CLTRN: variants seen among roughly 807,000 people sequenced by gnomAD.
CLTRN encodes the protein collectrin, amino acid transport regulator, also known as collectrin.
In CLTRN, 12 loss-of-function variants were observed where a neutral mutation model predicts 14.5. The observed-to-expected ratio is 0.83, with a 90% CI of 0.53 to 1.34. CLTRN has a LOEUF of 1.34. CLTRN is among the 40% of genes most tolerant of loss of function. The pLI is 0.00. For synonymous variants in CLTRN, 58 were observed against 56.5 expected, an observed-to-expected ratio of 1.03 and a Z score of -0.12; for missense variants, 154 against 165.1, an observed-to-expected ratio of 0.93 and a Z score of 0.37.
chrX:15,641,536 G>A (rs142076088), intron 4 of CLTRN, among the ~76,000 whole-genome samples: 1 of 110,546 alleles, frequency 9.0e-6, no homozygotes, highest in Non-Finnish European at 1.9e-5. Context: ...AGACAGGAAC[G>A]ATCATGGTTC....
chrX:15,651,346 T>C (rs998841613), intron 3 of CLTRN, among the ~76,000 whole-genome samples: 1 of 111,171 alleles, frequency 9.0e-6, no homozygotes, highest in African/African-American at 3.3e-5. Flanking sequence ...ATGCTAAGAC[T>C]CTTGAAAACC....
chrX:15,628,413 T>TATGA (rs200903704), intron 5 of CLTRN, among the ~76,000 whole-genome samples: 8,945 of 111,718 alleles, frequency 0.08, 882 homozygotes, highest in African/African-American at 0.27. Flanking sequence ...TGAATATGTA[T>TATGA]ATGAATATGA....
chrX:15,637,321 T>G (rs1231836532), intron 5 of CLTRN, among the ~76,000 whole-genome samples: 1 of 111,660 alleles, frequency 9.0e-6, no homozygotes, highest in Non-Finnish European at 1.9e-5. Flanking sequence ...TTTTCAGGGC[T>G]CTCCCCACTT....
intron 1 of CLTRN, among the ~76,000 whole-genome samples, chrX:15,673,637 T>A (rs1929759601): frequency 8.9e-6 from 1 of 112,420 alleles, no homozygotes; most frequent in Non-Finnish European, 1.9e-5. Flanking sequence ...AAATTGTCTT[T>A]TACTCTGTGC....
intron 1 of CLTRN, among the ~76,000 whole-genome samples, chrX:15,673,245 C>A (rs1929751356): frequency 8.9e-6 from 1 of 112,548 alleles, no homozygotes; most frequent in Non-Finnish European, 1.9e-5. Flanking sequence ...TACTTGTTAT[C>A]TCCTGTTTTC....
intron 3 of CLTRN, chrX:15,647,006 G>A (rs1381162549): frequency 4.0e-6 from 1 of 249,522 alleles, no homozygotes; most frequent in Non-Finnish European, 7.6e-6. Context: ...GCCCTGCTGA[G>A]GATATGTGGC....
intron 3 of CLTRN, among the ~76,000 whole-genome samples, chrX:15,648,626 C>A (rs1211585287): frequency 2.7e-5 from 3 of 110,990 alleles, no homozygotes; most frequent in African/African-American, 9.8e-5. Context: ...GTCTGGCCAG[C>A]ATGGTGAAAC....
At chrX:15,657,745 T>C (rs1233313383) in intron 3 of CLTRN, among the ~76,000 whole-genome samples, 2 of 111,886 alleles carry the variant, frequency 1.8e-5, no homozygotes, top group Non-Finnish European at 3.8e-5. Context: ...TGAAATACAA[T>C]ATATATAATT....
intron 3 of CLTRN, among the ~76,000 whole-genome samples, chrX:15,651,691 G>A (rs1416353083): frequency 1.8e-5 from 2 of 111,536 alleles, no homozygotes; most frequent in Non-Finnish European, 3.8e-5. Context: ...TGAGTCCCAA[G>A]TCTGTCCTGT....
chrX:15,640,205 G>A (rs951185542), intron 4 of CLTRN, among the ~76,000 whole-genome samples: 7 of 111,978 alleles, frequency 6.3e-5, no homozygotes, highest in African/African-American at 2.3e-4. Context: ...CCATTGCCAT[G>A]GCAACACCTG....
chrX:15,631,411 A>G (rs1928691908), intron 5 of CLTRN, among the ~76,000 whole-genome samples: 1 of 108,632 alleles, frequency 9.2e-6, no homozygotes, highest in South Asian at 4.4e-4. Context: ...AATAATTGCC[A>G]GGGCCTATTT....
chrX:15,648,878 G>A (rs889324848), intron 3 of CLTRN, among the ~76,000 whole-genome samples: 3 of 111,386 alleles, frequency 2.7e-5, no homozygotes, highest in Admixed American at 9.5e-5. Flanking sequence ...AATATTATGC[G>A]TAGTACATAA....
At chrX:15,659,751 C>A (rs1929461652) in intron 2 of CLTRN, among the ~76,000 whole-genome samples, 1 of 111,325 alleles carries the variant, frequency 9.0e-6, no homozygotes, top group Non-Finnish European at 1.9e-5. Context: ...AGGGAGAAGA[C>A]AGCCATCTAC....
At chrX:15,659,236 T>C (rs1312434262) in intron 2 of CLTRN, 135 bp from the exon 3 acceptor site, 1 of 274,522 alleles carries the variant, frequency 3.6e-6, no homozygotes, top group East Asian at 6.6e-5. Context: ...ACGTTTCTCA[T>C]ATATTAGATA....
chrX:15,646,473 C>CCCCCCCCCCCCCCCCAAA, intron 3 of CLTRN: 1 of 258,337 alleles, frequency 3.9e-6, no homozygotes, highest in Non-Finnish European at 7.6e-6. Flanking sequence ...CCCCCCCGCC[C>CCCCCCCCCCCCCCCCAAA]GACCCCCGCG....
intron 3 of CLTRN, 130 bp downstream of exon 3, chrX:15,658,886 G>C (rs967067841): frequency 3.3e-6 from 1 of 299,020 alleles, no homozygotes; most frequent in Non-Finnish European, 6.0e-6. Context: ...TTATTTTTAA[G>C]TTTAATAAAA....
At chrX:15,643,603 T>C (rs1438330592) in intron 4 of CLTRN, among the ~76,000 whole-genome samples, 1 of 112,174 alleles carries the variant, frequency 8.9e-6, no homozygotes, top group Non-Finnish European at 1.9e-5. Flanking sequence ...AAATATGATA[T>C]TTATAATTCT....
chrX:15,631,086 A>G (rs987683804), intron 5 of CLTRN, among the ~76,000 whole-genome samples: 31 of 112,151 alleles, frequency 2.8e-4, no homozygotes, highest in African/African-American at 9.7e-4. Flanking sequence ...GAAAAATGCC[A>G]TATATACTCA....
At chrX:15,632,721 A>C (rs148731471) in intron 5 of CLTRN, among the ~76,000 whole-genome samples, 4,032 of 103,199 alleles carry the variant, frequency 0.039, 197 homozygotes, top group African/African-American at 0.13. Flanking sequence ...GAAACTATTA[A>C]AAATACAAAA....
Sources: allele counts gnomAD v4.1 joint callset (sites outside exome capture counted in the v4.1 genomes callset), GRCh38; gene constraint gnomAD v4.1.1; transcripts MANE v1.5; gene names NCBI Gene and HGNC (gene_info 2026-07-23, HGNC 2026-07-21).